SNX29: variants seen among roughly 807,000 people sequenced by gnomAD.
The protein encoded by SNX29 is sorting nexin 29, also known as sorting nexin-29.
Under a neutral mutation model 102.1 loss-of-function variants are expected in SNX29, and 78 were observed. The observed-to-expected ratio is 0.76, with a 90% CI of 0.64 to 0.92. The LOEUF is 0.92. Among genes scored for constraint, SNX29 ranks in the 40% least tolerant of loss-of-function variants. The pLI, the probability that SNX29 is intolerant of heterozygous loss-of-function variation, is 0.00. For missense variants in SNX29, 1,280 were observed against 1,061.7 expected (o/e 1.21, Z -2.86); for synonymous variants, 580 against 414.5 (o/e 1.40, Z -4.85).
chr16:12,539,947 T>G (rs750926984), intron 20 of SNX29, among the ~76,000 whole-genome samples: 4 of 152,230 alleles, frequency 2.6e-5, no homozygotes, highest in Non-Finnish European at 4.4e-5. Context: ...ATGCAAGACC[T>G]TTGTCGAACA....
intron 18 of SNX29, among the ~76,000 whole-genome samples, chr16:12,413,306 G>T (rs2084483639): frequency 6.6e-6 from 1 of 152,120 alleles, no homozygotes; most frequent in South Asian, 2.1e-4. Flanking sequence ...TCTCCTAACT[G>T]CAGGCAAAAT....
chr16:12,124,631 A>G (rs1256665352), intron 11 of SNX29, among the ~76,000 whole-genome samples: 1 of 152,220 alleles, frequency 6.6e-6, no homozygotes, highest in African/African-American at 2.4e-5. Context: ...GTATTTCAGT[A>G]CATTACAGGA....
chr16:12,264,308 A>G (rs2078862718), intron 14 of SNX29, among the ~76,000 whole-genome samples: 1 of 152,236 alleles, frequency 6.6e-6, no homozygotes, highest in Non-Finnish European at 1.5e-5. Context: ...AATCCTCTGC[A>G]TGGGCTTTTG....
At chr16:12,114,224 C>A (rs932734436) in intron 11 of SNX29, among the ~76,000 whole-genome samples, 3 of 152,194 alleles carry the variant, frequency 2.0e-5, no homozygotes, top group Non-Finnish European at 2.9e-5. Context: ...GGAATAATAT[C>A]GTTCCCCTAA....
At chr16:12,333,699 G>T (rs1345482088) in intron 15 of SNX29, among the ~76,000 whole-genome samples, 1 of 152,050 alleles carries the variant, frequency 6.6e-6, no homozygotes, top group African/African-American at 2.4e-5. Flanking sequence ...CTCCTGATAA[G>T]AATTTCTTCC....
chr16:12,262,958 A>G (rs1197831610), intron 14 of SNX29, among the ~76,000 whole-genome samples: 1 of 152,144 alleles, frequency 6.6e-6, no homozygotes, highest in African/African-American at 2.4e-5. Context: ...TCTGTGTATT[A>G]TCTTTTGAAT....
At chr16:12,357,262 T>C (rs1244182789) in intron 16 of SNX29, among the ~76,000 whole-genome samples, 1 of 152,202 alleles carries the variant, frequency 6.6e-6, no homozygotes, top group Non-Finnish European at 1.5e-5. Flanking sequence ...CTACATCTGC[T>C]TCCTCCTCCT....
chr16:11,997,795 G>C (rs1312988338), intron 1 of SNX29, among the ~76,000 whole-genome samples: 5 of 152,080 alleles, frequency 3.3e-5, no homozygotes, highest in African/African-American at 9.7e-5. Context: ...TAGGATTTTA[G>C]CTCCATGAGA....
rs375771338 is a variant in SNX29 at position 12,289,998 on chromosome 16, C to T, written c.1782+11962C>T. On this transcript the variant is annotated intron_variant, in intron 15 of 20. Coordinates refer to ENST00000566228, the MANE Select transcript of SNX29 (RefSeq NM_032167.5). ...CACTGGCAGTGTGGAGCTGGAGAAA[C>T]GGGATACAGCGGGAGTGGAGAACGC... 1.2e-4 allele frequency among the ~76,000 whole-genome samples: 18 copies of T among 152,168 alleles called. No homozygotes were observed. In the South Asian group the frequency reaches 3.3e-3, roughly 28 times the overall value.
intron 14 of SNX29, among the ~76,000 whole-genome samples, chr16:12,213,111 C>A (rs375357658): frequency 6.6e-6 from 1 of 151,888 alleles, no homozygotes; most frequent in Admixed American, 6.6e-5. Context: ...GAGACTCTGT[C>A]TCAAAAAAAG....
intron 14 of SNX29, among the ~76,000 whole-genome samples, chr16:12,231,401 A>T (rs2077764193): frequency 1.3e-5 from 2 of 152,092 alleles, no homozygotes; most frequent in East Asian, 3.8e-4. Context: ...TTTTTACCCC[A>T]CTTAATCGTC....
In SNX29 at chr16:12,446,677, C is replaced by A. The variant is rs566539711; in HGVS notation, c.2038-31042C>A. The stretch of plus-strand genomic sequence containing the variant: ...TGGCAGTGGAGCTCCTGTTGACTTT[C>A]CTCTGTGCCTTGTTAGGTATACTCA... On this transcript the variant is annotated intron_variant, in intron 18 of 20. Coordinates refer to ENST00000566228, the MANE Select transcript of SNX29 (RefSeq NM_032167.5). 9.1e-4 allele frequency among the ~76,000 whole-genome samples: 139 copies of A among 152,246 alleles called. 1 individual carries two copies. The highest frequency in any genetic ancestry group is 3.2e-3 in the African/African-American group (135 of 41,546).
At chr16:12,220,931 G>A (rs552546750) in intron 14 of SNX29, among the ~76,000 whole-genome samples, 1 of 152,244 alleles carries the variant, frequency 6.6e-6, no homozygotes, top group Admixed American at 6.5e-5. Flanking sequence ...GGGAGAAGGG[G>A]GGTGGTAGCG....
intron 14 of SNX29, among the ~76,000 whole-genome samples, chr16:12,246,231 A>G (rs747082395): frequency 3.9e-5 from 6 of 152,162 alleles, no homozygotes; most frequent in Non-Finnish European, 7.3e-5. Context: ...TGCAGCTGAC[A>G]GGCAGCGCTG....
At chr16:12,130,249 G>T (rs562764420) in intron 13 of SNX29, among the ~76,000 whole-genome samples, 17 of 151,050 alleles carry the variant, frequency 1.1e-4, no homozygotes, top group African/African-American at 3.9e-4. Flanking sequence ...GGCCGAGGTG[G>T]GTGGATCACG....
intron 13 of SNX29, among the ~76,000 whole-genome samples, chr16:12,188,238 T>C (rs920473822): frequency 6.6e-6 from 1 of 152,220 alleles, no homozygotes; most frequent in Non-Finnish European, 1.5e-5. Context: ...CACATACTTA[T>C]TTTAATTCTG....
chr16:12,318,893 C>G (rs1036064483), intron 15 of SNX29, among the ~76,000 whole-genome samples: 1 of 152,090 alleles, frequency 6.6e-6, no homozygotes, highest in East Asian at 1.9e-4. Context: ...TCCTGAAGAC[C>G]TTCCTCTAGA....
At chr16:11,985,394 C>A (rs1385889833) in intron 1 of SNX29, among the ~76,000 whole-genome samples, 1 of 152,108 alleles carries the variant, frequency 6.6e-6, no homozygotes. Context: ...GCTGATGAAA[C>A]TGATTTCAAC....
chr16:12,230,023 G>C (rs557800180), intron 14 of SNX29, among the ~76,000 whole-genome samples: 1 of 152,230 alleles, frequency 6.6e-6, no homozygotes, highest in South Asian at 2.1e-4. Context: ...TGTAGCAGCC[G>C]CAGACATTGT....
Sources: gnomAD v4.1 joint callset for allele counts (sites outside exome capture counted in the v4.1 genomes callset) on GRCh38, gnomAD v4.1.1 for gene constraint, MANE v1.5 for transcripts, NCBI Gene and HGNC (gene_info 2026-07-23, HGNC 2026-07-21) for gene names.